The following LAMB4 variants were observed in gnomAD, a reference collection of about 807,000 sequenced individuals.
LAMB4 encodes the protein laminin subunit beta-4.
Under a neutral mutation model 199.2 loss-of-function variants are expected in LAMB4, and 196 were observed. That is an observed-to-expected ratio of 0.98 (90% CI 0.88 to 1.11). The LOEUF is 1.11. LAMB4 is among the 50% of genes least tolerant of loss of function. LAMB4 has a pLI of 0.00. For missense variants in LAMB4, 2,080 were observed against 2,171.2 expected (o/e 0.96, Z 0.83); for synonymous variants, 744 against 770.6 (o/e 0.97, Z 0.57).
At chr7:108,088,326 C>T (rs1389761613) in intron 14 of LAMB4, among the ~76,000 whole-genome samples, 1 of 152,130 alleles carries the variant, frequency 6.6e-6, no homozygotes, top group African/African-American at 2.4e-5. Flanking sequence ...CCACGCCCAG[C>T]TAATTTTTGT....
At chr7:108,047,603 T>G (rs1563044608) in intron 28 of LAMB4, among the ~76,000 whole-genome samples, 2 of 152,172 alleles carry the variant, frequency 1.3e-5, no homozygotes, top group African/African-American at 4.8e-5. Context: ...AGTTAAATTT[T>G]GGGGGAGTCA....
the LAMB4 span, among the ~76,000 whole-genome samples, chr7:108,016,643 A>T: frequency 3.3e-5 from 5 of 152,186 alleles, no homozygotes; most frequent in African/African-American, 1.2e-4. Context: ...GAGAAAAATC[A>T]TATGTGAGAG....
chr7:108,094,188 C>T (rs1000243217), intron 12 of LAMB4, among the ~76,000 whole-genome samples: 1 of 151,948 alleles, frequency 6.6e-6, no homozygotes, highest in African/African-American at 2.4e-5. Flanking sequence ...TAGCAGTTAA[C>T]CAGCCAGTGA....
At chr7:108,104,157 G>GA (rs1375992071) in intron 9 of LAMB4, among the ~76,000 whole-genome samples, 42 of 152,312 alleles carry the variant, frequency 2.8e-4, no homozygotes, top group African/African-American at 1.0e-3. Context: ...GGATGACAGT[G>GA]CAGATCTCTG....
chr7:108,034,920 T>C (rs1390577965), intron 30 of LAMB4, among the ~76,000 whole-genome samples: 1 of 152,168 alleles, frequency 6.6e-6, no homozygotes, highest in African/African-American at 2.4e-5. Flanking sequence ...ACCAAATACT[T>C]AGATCTGTGG....
intron 32 of LAMB4, among the ~76,000 whole-genome samples, chr7:108,030,266 G>A (rs2034983006): frequency 6.6e-6 from 1 of 152,138 alleles, no homozygotes; most frequent in South Asian, 2.1e-4. Flanking sequence ...CTTTTGTTTA[G>A]GCAACTATAT....
rs376804825 is a variant in LAMB4 at position 108,123,128 on chromosome 7, C to A, written c.34+3G>T. The A allele has an allele frequency of 2.5e-6, 4 of 1,609,038 alleles. No homozygotes were observed. The African/African-American group carries it at 4.0e-5, about 16-fold the overall frequency. Reference sequence around the variant, plus strand: ...TAAATAGATTTTGACAACAAATACTCACCAAGGTGCAAAAAAAGGGTCAGT... The same window carrying A: ...TAAATAGATTTTGACAACAAATACTAACCAAGGTGCAAAAAAAGGGTCAGT... On this transcript the variant is annotated splice_donor_region_variant and intron_variant, in intron 2 of 33. Coordinates refer to ENST00000388781, the MANE Select transcript of LAMB4 (RefSeq NM_007356.3).
chr7:108,046,967 G>A (rs960486471), intron 28 of LAMB4, among the ~76,000 whole-genome samples: 7 of 151,458 alleles, frequency 4.6e-5, no homozygotes, highest in Non-Finnish European at 8.8e-5. Context: ...CGGCCTCCCT[G>A]TGTTTCCCAG....
intron 6 of LAMB4, among the ~76,000 whole-genome samples, chr7:108,107,400 T>C (rs2038060989): frequency 6.6e-6 from 1 of 152,176 alleles, no homozygotes; most frequent in African/African-American, 2.4e-5. Context: ...GGTGCCCCGT[T>C]TAAGTGTTAT....
chr7:108,074,513 C>T (rs1563068138), intron 17 of LAMB4, among the ~76,000 whole-genome samples: 2 of 152,046 alleles, frequency 1.3e-5, no homozygotes, highest in African/African-American at 2.4e-5. Flanking sequence ...GGACCACAGG[C>T]ATGTGCTGCT....
chr7:108,125,763 C>T (rs1365947311), intron 1 of LAMB4, among the ~76,000 whole-genome samples: 4 of 152,210 alleles, frequency 2.6e-5, no homozygotes, highest in East Asian at 1.9e-4. Context: ...TAATGCTGAA[C>T]GCAGGAGTAA....
At chr7:108,093,029 C>T (rs948610489) in intron 12 of LAMB4, among the ~76,000 whole-genome samples, 7 of 152,184 alleles carry the variant, frequency 4.6e-5, no homozygotes, top group African/African-American at 1.7e-4. Context: ...TTATATAAAT[C>T]CTATCGGAAT....
chr7:108,061,313 A>G (rs2036151447), intron 23 of LAMB4, among the ~76,000 whole-genome samples: 2 of 152,252 alleles, frequency 1.3e-5, no homozygotes, highest in Admixed American at 1.3e-4. Flanking sequence ...ATATTCATGC[A>G]TAGTGACAAA....
At chr7:108,107,455 TA>T (rs1050786060) in intron 6 of LAMB4, among the ~76,000 whole-genome samples, 175 bp downstream of exon 6, 1 of 152,236 alleles carries the variant, frequency 6.6e-6, no homozygotes, top group African/African-American at 2.4e-5. Context: ...GGATTGCTTC[TA>T]AAAATGTATT....
intron 4 of LAMB4, among the ~76,000 whole-genome samples, chr7:108,109,449 T>G (rs976844362): frequency 1.3e-5 from 2 of 152,218 alleles, no homozygotes; most frequent in African/African-American, 4.8e-5. Context: ...ACCCTGACTG[T>G]GCCCACATCT....
intron 23 of LAMB4, among the ~76,000 whole-genome samples, chr7:108,060,710 G>A (rs1563055875): frequency 6.6e-6 from 1 of 152,074 alleles, no homozygotes; most frequent in African/African-American, 2.4e-5. Flanking sequence ...AAGTAGTGTT[G>A]GACTATCCCC....
At chr7:108,039,054 G>A (rs1321693853) in intron 29 of LAMB4, among the ~76,000 whole-genome samples, 1 of 152,214 alleles carries the variant, frequency 6.6e-6, no homozygotes, top group Non-Finnish European at 1.5e-5. Flanking sequence ...GGTTAAACTT[G>A]TGGAGACTGT....
In LAMB4 at chr7:108,024,084, A is replaced by T; in HGVS notation, c.5241T>A (p.Asn1747Lys). 6.2e-7 allele frequency: 1 copy of T among 1,608,684 alleles called. No individual in the cohort carries two copies. The highest frequency in any genetic ancestry group is 1.1e-5 in the South Asian group (1 of 89,960). The change falls in exon 34 of 34, where the codon AAT (asparagine) becomes AAA (lysine). Residue 1747 changes from asparagine (N) to lysine (K), a missense_variant. By Grantham distance (94) the Asn-to-Lys change is moderately conservative. Transcript: ENST00000388781. ...ILEDQVVAIK[N>K]EIVEQEKKYA... The stretch of plus-strand genomic sequence containing the variant: ...ATTTTTTTTCTTGTTCAACAATTTC[A>T]TTTTTAATGGCAACAACTTGATCTT...
the LAMB4 span, among the ~76,000 whole-genome samples, chr7:108,017,681 C>A: frequency 6.6e-6 from 1 of 152,060 alleles, no homozygotes; most frequent in African/African-American, 2.4e-5. Context: ...AGAAAAGGAG[C>A]CCTAGGGCTA....
Sources: allele counts gnomAD v4.1 joint callset (sites outside exome capture counted in the v4.1 genomes callset), GRCh38; gene constraint gnomAD v4.1.1; transcripts MANE v1.5; gene names NCBI Gene and HGNC (gene_info 2026-07-23, HGNC 2026-07-21).